The following ZNF461 variants were observed in gnomAD, a reference collection of about 807,000 sequenced individuals.
The protein encoded by ZNF461 is zinc finger protein 461.
In ZNF461, 16 loss-of-function variants were observed where a neutral mutation model predicts 18.3. The observed-to-expected ratio is 0.88, with a 90% confidence interval of 0.59 to 1.33. The LOEUF (loss-of-function observed/expected upper bound fraction) is 1.33. ZNF461 is among the 40% of genes most tolerant of loss of function. The pLI, the probability that ZNF461 is intolerant of heterozygous loss-of-function variation, is 0.00. For synonymous variants in ZNF461, 179 were observed against 216.9 expected (o/e 0.83, Z 1.54); for missense variants, 595 against 669.9 (o/e 0.89, Z 1.23).
rs1312358776 is a variant in ZNF461, at chr19:36,656,546, A to G, written c.137-3T>C. The G allele has an allele frequency of 6.2e-7, 1 of 1,611,262 alleles. No individual in the cohort carries two copies. Among genetic ancestry groups the G allele is most frequent in the Non-Finnish European group, 8.5e-7 (1 of 1,177,670 alleles). On this transcript the variant is annotated splice_region_variant and splice_polypyrimidine_tract_variant and intron_variant, in intron 3 of 5. Transcript: ENST00000588268. ...GGCTGGCTTAGAAACAGAAAGTCCT[A>G]GTTATAAGAAAAGAAATTGAGATGA...
chr19:36,656,822 C>CTT (rs74174425), intron 3 of ZNF461, among the ~76,000 whole-genome samples: 2 of 141,554 alleles, frequency 1.4e-5, no homozygotes, highest in Non-Finnish European at 1.6e-5. Context: ...GATATTTATT[C>CTT]TTTTTTTTTT....
intron 2 of ZNF461, among the ~76,000 whole-genome samples, chr19:36,661,404 T>C (rs906043725): frequency 5.3e-5 from 8 of 151,674 alleles, no homozygotes; most frequent in African/African-American, 9.7e-5. Context: ...CAAAGAGATA[T>C]AGCAAATAAT....
At chr19:36,647,751 T>C (rs1462804458) in intron 4 of ZNF461, among the ~76,000 whole-genome samples, 1 of 152,186 alleles carries the variant, frequency 6.6e-6, no homozygotes, top group African/African-American at 2.4e-5. Flanking sequence ...CATGTGGAAT[T>C]GTAATCCCCA....
chr19:36,658,678 C>T (rs1275785174), intron 2 of ZNF461: 3 of 341,278 alleles, frequency 8.8e-6, no homozygotes. Context: ...CATCTCAAAA[C>T]TAAGAAAATA....
intron 4 of ZNF461, among the ~76,000 whole-genome samples, 190 bp from the exon 5 acceptor site, chr19:36,644,052 C>T (rs1264998487): frequency 3.9e-5 from 6 of 152,166 alleles, no homozygotes; most frequent in Non-Finnish European, 5.9e-5. Flanking sequence ...CCTGCTTCAG[C>T]CTCCCAAGTA....
chr19:36,643,525 A>G (rs1162578318), intron 5 of ZNF461: 1 of 216,824 alleles, frequency 4.6e-6, no homozygotes, highest in Admixed American at 5.7e-5. Flanking sequence ...CAGGAAGTCT[A>G]TAAGGTCAAA....
intron 2 of ZNF461, among the ~76,000 whole-genome samples, chr19:36,659,032 T>G (rs762682151): frequency 4.6e-5 from 7 of 152,174 alleles, no homozygotes; most frequent in Non-Finnish European, 1.0e-4. Flanking sequence ...CAGAAGTGAT[T>G]ATGTGACTTC....
chr19:36,655,109 T>C (rs1034853986), intron 4 of ZNF461, among the ~76,000 whole-genome samples: 2 of 152,160 alleles, frequency 1.3e-5, no homozygotes, highest in Admixed American at 6.5e-5. Context: ...CACCTCAGTC[T>C]GCTGAACATC....
intron 2 of ZNF461, among the ~76,000 whole-genome samples, chr19:36,660,701 T>TA (rs199775225): frequency 0.17 from 25,134 of 147,376 alleles, 2,237 homozygotes; most frequent in Non-Finnish European, 0.21. Context: ...TTGATTTTTT[T>TA]AAAAAAAAAA....
intron 1 of ZNF461, among the ~76,000 whole-genome samples, chr19:36,665,513 A>G (rs2037895286): frequency 6.6e-6 from 1 of 152,162 alleles, no homozygotes; most frequent in Non-Finnish European, 1.5e-5. Flanking sequence ...GCTCAAGACC[A>G]GCCTGGCCAA....
rs2145404755 is a variant in ZNF461, at chr19:36,656,432, G to A, written c.232+16C>T. 3 of 1,608,478 alleles carry A rather than the reference G, an allele frequency of 1.9e-6. No individual in the cohort carries two copies. The highest frequency in any genetic ancestry group is 2.6e-6 in the Non-Finnish European group (3 of 1,174,868). ...GGCCTGCTCTCTGCAAGAGCTTCCT[G>A]TGCTTGCTCACTCACCTGGGCACCA... On this transcript the variant is annotated intron_variant, in intron 4 of 5. Transcript: ENST00000588268.
intron 3 of ZNF461, 154 bp downstream of exon 3, chr19:36,658,145 G>T: frequency 1.4e-6 from 1 of 732,802 alleles, no homozygotes; most frequent in South Asian, 2.1e-5. Context: ...ATTTAGCTGT[G>T]CTGGTTTCTA....
intron 2 of ZNF461, among the ~76,000 whole-genome samples, chr19:36,661,163 A>C (rs1185996741): frequency 6.6e-6 from 1 of 151,988 alleles, no homozygotes; most frequent in East Asian, 1.9e-4. Context: ...CTGTAGTCCT[A>C]GTTACTTGGA....
chr19:36,643,757 C>T, intron 5 of ZNF461, 37 bp downstream of exon 5: 1 of 1,482,446 alleles, frequency 6.7e-7, no homozygotes, highest in Non-Finnish European at 9.0e-7. Flanking sequence ...GTTACCAGTA[C>T]TTCTACTGTA....
intron 4 of ZNF461, among the ~76,000 whole-genome samples, chr19:36,653,479 C>T (rs1238818066): frequency 6.6e-6 from 1 of 152,068 alleles, no homozygotes; most frequent in East Asian, 1.9e-4. Flanking sequence ...TAAAGACATA[C>T]CCAGGACTGG....
Position 36,654,403 on chromosome 19 carries a change from G to T in ZNF461, c.232+2045C>A, listed in dbSNP as rs1044857867. Among the ~76,000 whole-genome samples the T allele has an allele frequency of 5.3e-4, 80 of 152,078 alleles. 1 individual carries two copies. The highest frequency in any genetic ancestry group is 4.3e-3 in the Admixed American group (66 of 15,242). On this transcript the variant is annotated intron_variant, in intron 4 of 5. Transcript: ENST00000588268. Reference sequence around the variant, plus strand: ...ATTGATTGAGACAGGGTCTTGCTCTGTTACCCAGACTAGAGTGCAATGGCA... The same window carrying T: ...ATTGATTGAGACAGGGTCTTGCTCTTTTACCCAGACTAGAGTGCAATGGCA...
At position 36,639,023 on chromosome 19, in the gene ZNF461, T is replaced by C; in HGVS notation, c.1322A>G (p.Tyr441Cys). Residue 441 changes from tyrosine to cysteine, a missense_variant, in exon 6 of 6, where the codon TAT (tyrosine) becomes TGT (cysteine). Coordinates refer to ENST00000588268, the MANE Select transcript of ZNF461 (RefSeq NM_153257.5). ...AGTCTTCCCACATTCCTTACACTCA[T>C]AGGGTTTCTCACCAGTATGAATCCT... is the stretch of plus-strand genomic sequence containing the variant. ...HQRIHTGEKP[Y>C]ECKECGKTFR... 2 of 1,614,086 alleles carry C rather than the reference T, an allele frequency of 1.2e-6. No individual in the cohort carries two copies. The highest frequency in any genetic ancestry group is 2.2e-5 in the South Asian group (2 of 91,080).
intron 2 of ZNF461, among the ~76,000 whole-genome samples, chr19:36,658,882 G>A (rs1235170170): frequency 6.6e-6 from 1 of 152,068 alleles, no homozygotes; most frequent in Non-Finnish European, 1.5e-5. Flanking sequence ...TTCCATAGAT[G>A]GACACTGCTG....
At chr19:36,662,279 T>C (rs2037831602) in intron 2 of ZNF461, among the ~76,000 whole-genome samples, 2 of 151,896 alleles carry the variant, frequency 1.3e-5, no homozygotes, top group Admixed American at 6.6e-5. Flanking sequence ...TTTTTTGAGA[T>C]GGAGTCCTGC....
Sources: allele counts gnomAD v4.1 joint callset (sites outside exome capture counted in the v4.1 genomes callset), GRCh38; gene constraint gnomAD v4.1.1; transcripts MANE v1.5; gene names NCBI Gene and HGNC (gene_info 2026-07-23, HGNC 2026-07-21).